The following CELF4 variants were observed in gnomAD, a reference collection of about 807,000 sequenced individuals.
The protein encoded by CELF4 is CUGBP Elav-like family member 4.
CELF4 carries 18 observed loss-of-function variants against 59.9 expected under a neutral mutation model. The ratio of observed to expected loss-of-function variants is 0.30; its 90% CI spans 0.21 to 0.45. The LOEUF is 0.45. Ranked by LOEUF, CELF4 falls within the 20% of genes least tolerant of loss-of-function variation. The pLI is 1.00. For synonymous variants in CELF4, 261 were observed against 267.1 expected (o/e 0.98, Z 0.22); for missense variants, 456 against 689.0 (o/e 0.66, Z 3.79).
At chr18:37,481,907 TCTC>T (rs770389712) in intron 2 of CELF4, among the ~76,000 whole-genome samples, 1 of 152,192 alleles carries the variant, frequency 6.6e-6, no homozygotes, top group Non-Finnish European at 1.5e-5. Context: ...CAAACCTCGA[TCTC>T]CTCCTCTGTG....
intron 1 of CELF4, among the ~76,000 whole-genome samples, chr18:37,526,883 C>T (rs55908780): frequency 4.7e-5 from 7 of 148,796 alleles, no homozygotes; most frequent in East Asian, 2.0e-4. Flanking sequence ...TATGAAAACT[C>T]GATTTGCAAG....
intron 1 of CELF4, among the ~76,000 whole-genome samples, chr18:37,501,779 C>T (rs1261627561): frequency 6.6e-6 from 1 of 152,172 alleles, no homozygotes; most frequent in Non-Finnish European, 1.5e-5. Context: ...ATGTGTGGGA[C>T]TCGGAGGAGC....
At chr18:37,345,884 A>G (rs946016565) in intron 2 of CELF4, among the ~76,000 whole-genome samples, 2 of 152,052 alleles carry the variant, frequency 1.3e-5, no homozygotes, top group Non-Finnish European at 2.9e-5. Context: ...CACCCTCTTC[A>G]GTGCTGAGGT....
At chr18:37,495,986 G>T (rs1224705168) in intron 1 of CELF4, among the ~76,000 whole-genome samples, 1 of 152,046 alleles carries the variant, frequency 6.6e-6, no homozygotes, top group East Asian at 1.9e-4. Flanking sequence ...CTCCCTTTGG[G>T]TCACACAGCC....
intron 8 of CELF4, among the ~76,000 whole-genome samples, chr18:37,269,571 C>T (rs1228141616): frequency 7.9e-5 from 12 of 152,190 alleles, no homozygotes; most frequent in African/African-American, 1.7e-4. Context: ...GCCTGCCTGC[C>T]GTGTGTGCCA....
chr18:37,453,971 C>T (rs2099771255), intron 2 of CELF4, among the ~76,000 whole-genome samples: 1 of 152,162 alleles, frequency 6.6e-6, no homozygotes, highest in African/African-American at 2.4e-5. Flanking sequence ...TAACCCAAGT[C>T]TTGTTCTTCA....
intron 2 of CELF4, among the ~76,000 whole-genome samples, chr18:37,363,790 T>C (rs1335117304): frequency 6.6e-6 from 1 of 152,158 alleles, no homozygotes; most frequent in Non-Finnish European, 1.5e-5. Context: ...CCTGGTCCCC[T>C]TTATGCACGT....
At chr18:37,364,237 T>C (rs897179691) in intron 2 of CELF4, among the ~76,000 whole-genome samples, 2 of 152,190 alleles carry the variant, frequency 1.3e-5, no homozygotes, top group Non-Finnish European at 2.9e-5. Context: ...TGCACCCGTC[T>C]CTCCTCTCCC....
chr18:37,373,536 CG>C (rs1023138179), intron 2 of CELF4, among the ~76,000 whole-genome samples: 1 of 152,198 alleles, frequency 6.6e-6, no homozygotes, highest in African/African-American at 2.4e-5. Flanking sequence ...TGATGACCAG[CG>C]GGTGTGTGTA....
At chr18:37,443,171 G>A (rs116803515) in intron 2 of CELF4, among the ~76,000 whole-genome samples, 1,936 of 152,212 alleles carry the variant, frequency 0.013, 54 homozygotes, top group African/African-American at 0.044. Context: ...CTAAACCCTA[G>A]AGCCTCACAG....
At chr18:37,265,583 A>G (rs1388584728) in intron 9 of CELF4, among the ~76,000 whole-genome samples, 1 of 152,180 alleles carries the variant, frequency 6.6e-6, no homozygotes, top group African/African-American at 2.4e-5. Context: ...CCCCAGGGGC[A>G]GAGGACTGAG....
intron 2 of CELF4, among the ~76,000 whole-genome samples, chr18:37,404,838 G>A (rs2099364599): frequency 6.6e-6 from 1 of 152,186 alleles, no homozygotes. Context: ...AGGCTGGCAT[G>A]CCACCATTAG....
rs1339409803 is a variant in CELF4, at chr18:37,270,681, C to A, written c.1099+87G>T. Reference sequence around the variant, plus strand: ...TCAAGGAATGGACAGAGGGCAGGAGCCACATCTTGTTATAACAGCAAGGGC... The same window carrying A: ...TCAAGGAATGGACAGAGGGCAGGAGACACATCTTGTTATAACAGCAAGGGC... On this transcript the variant is annotated intron_variant, in intron 8 of 12. Coordinates refer to ENST00000420428, the MANE Select transcript of CELF4 (RefSeq NM_020180.4). The A allele has an allele frequency of 5.3e-6, 8 of 1,500,256 alleles. No homozygotes were observed. In the East Asian group the frequency reaches 1.1e-4, roughly 21 times the overall value. 92.9% of individuals were successfully genotyped at this position (1,500,256 alleles called of 1,614,324 possible).
intron 2 of CELF4, among the ~76,000 whole-genome samples, chr18:37,460,879 G>C (rs1263247213): frequency 6.6e-6 from 1 of 152,216 alleles, no homozygotes; most frequent in Non-Finnish European, 1.5e-5. Context: ...GGATGTGGGA[G>C]GTGGGTCTCT....
chr18:37,472,869 G>A (rs1473749673), intron 2 of CELF4, among the ~76,000 whole-genome samples: 1 of 152,158 alleles, frequency 6.6e-6, no homozygotes, highest in Admixed American at 6.5e-5. Context: ...CTGAGGACTG[G>A]GACTGGTTCT....
intron 1 of CELF4, among the ~76,000 whole-genome samples, chr18:37,535,256 T>C (rs1178915065): frequency 6.6e-6 from 1 of 152,242 alleles, no homozygotes; most frequent in Non-Finnish European, 1.5e-5. Flanking sequence ...TCTGACTCTT[T>C]AGATTAAAAT....
In CELF4 at chr18:37,253,933, C is replaced by T. The variant is rs754698439; in HGVS notation, c.1339G>A (p.Val447Met). 6.2e-7 allele frequency: 1 copy of T among 1,603,472 alleles called. No homozygotes were observed. The highest frequency in any genetic ancestry group is 1.4e-5 in the African/African-American group (1 of 73,804). The change falls in exon 12 of 13, where the codon GTG becomes ATG. Residue 447 changes from valine to methionine, a missense_variant. By Grantham distance (21) the Val-to-Met change is conservative (BLOSUM62 1). Coordinates refer to ENST00000420428, the MANE Select transcript of CELF4 (RefSeq NM_020180.4). This position sits in a 1 kb window ranked among gnomAD's most constrained non-coding sequence, Gnocchi z 4.5. ...LMQMFLPFGFVSFDNPASAQT... is the reference protein window; with the variant it reads ...LMQMFLPFGFMSFDNPASAQT... ...GCGCTGGCCGGGTTGTCGAAGCTCA[C>T]GAAGCCTGGCGAGACACGAGGGACG...
At chr18:37,500,638 A>G (rs1297566277) in intron 1 of CELF4, among the ~76,000 whole-genome samples, 1 of 148,640 alleles carries the variant, frequency 6.7e-6, no homozygotes, top group Non-Finnish European at 1.5e-5. Flanking sequence ...GGTTCATGCC[A>G]TTCTCCTGCC....
intron 1 of CELF4, among the ~76,000 whole-genome samples, chr18:37,561,165 G>A (rs973936639): frequency 6.6e-6 from 1 of 152,234 alleles, no homozygotes; most frequent in East Asian, 1.9e-4. Context: ...CCCTGCAGCT[G>A]TGGCTCCTGG....
Sources: allele counts gnomAD v4.1 joint callset (sites outside exome capture counted in the v4.1 genomes callset), GRCh38; gene constraint gnomAD v4.1.1; non-coding constraint Gnocchi (gnomAD v3.1); transcripts MANE v1.5; gene names NCBI Gene and HGNC (gene_info 2026-07-23, HGNC 2026-07-21).